CKAP5: variants seen among roughly 807,000 people sequenced by gnomAD.
CKAP5 encodes the protein cytoskeleton associated protein 5.
CKAP5 carries 27 observed loss-of-function variants against 232.8 expected under a neutral mutation model. That is an observed-to-expected ratio of 0.12 (90% CI 0.09 to 0.16). The LOEUF (loss-of-function observed/expected upper bound fraction) is 0.16. Ranked by LOEUF, CKAP5 falls within the 10% of genes least tolerant of loss-of-function variation. The probability of loss-of-function intolerance (pLI) is 1.00; values close to 1 mark genes in which losing one functional copy is unlikely to be tolerated. For missense variants in CKAP5, 1,838 were observed against 2,424.7 expected (o/e 0.76, Z 5.08); for synonymous variants, 785 against 841.1 (o/e 0.93, Z 1.16).
In CKAP5 at chr11:46,763,190, A is replaced by G. The variant is rs777439507; in HGVS notation, c.3688-11T>C. ...TTCACTCTCCAAGTGCTTAAAATAA[A>G]ACAAAACAAAACTCCCACAAATAAG... On this transcript the variant is annotated splice_polypyrimidine_tract_variant and intron_variant, in intron 29 of 43. Transcript: ENST00000529230. 1.3e-6 allele frequency: 2 copies of G among 1,543,080 alleles called. No homozygotes were observed. The highest frequency in any genetic ancestry group is 1.2e-5 in the South Asian group (1 of 86,026).
At chr11:46,797,779 C>A (rs781333444) in intron 11 of CKAP5, 26 bp downstream of exon 11, 36 of 1,580,202 alleles carry the variant, frequency 2.3e-5, no homozygotes, top group Non-Finnish European at 3.0e-5. Flanking sequence ...ATAAAATATT[C>A]CCCCAACTTC....
chr11:46,817,917 T>C lies in CKAP5; in HGVS notation c.251+393A>G, dbSNP rs566628904. On this transcript the variant is annotated intron_variant, in intron 3 of 43. Coordinates refer to ENST00000529230, the MANE Select transcript of CKAP5 (RefSeq NM_001008938.4). Reference sequence around the variant, plus strand: ...CCTATCTAACAACCCTTGTAAAAAATTTAGTTTTCTATAATGCCCAAATGT... The same window carrying C: ...CCTATCTAACAACCCTTGTAAAAAACTTAGTTTTCTATAATGCCCAAATGT... 1.2e-3 allele frequency among the ~76,000 whole-genome samples: 188 copies of C among 152,302 alleles called. 1 individual carries two copies. The highest frequency in any genetic ancestry group is 4.1e-3 in the African/African-American group (172 of 41,574).
At chr11:46,817,953 A>G (rs539149872) in intron 3 of CKAP5, among the ~76,000 whole-genome samples, 2 of 152,362 alleles carry the variant, frequency 1.3e-5, no homozygotes, top group East Asian at 3.9e-4. Context: ...CTTCAGTGAA[A>G]TTCTGATAAT....
At chr11:46,816,895 T>C (rs1330294399) in intron 3 of CKAP5, among the ~76,000 whole-genome samples, 1 of 148,170 alleles carries the variant, frequency 6.7e-6, no homozygotes, top group Admixed American at 6.9e-5. Context: ...TCACCTGAGG[T>C]CAGGAGTTCA....
intron 34 of CKAP5, 104 bp from the exon 35 acceptor site, chr11:46,759,147 G>A: frequency 6.7e-7 from 1 of 1,502,786 alleles, no homozygotes; most frequent in Non-Finnish European, 9.0e-7. Context: ...GTTAACAACT[G>A]CTATCATTCA....
chr11:46,810,950 A>T (rs1049033694), intron 5 of CKAP5, 57 bp downstream of exon 5: 1 of 1,412,332 alleles, frequency 7.1e-7, no homozygotes, highest in African/African-American at 1.5e-5. Flanking sequence ...AACGATAGGA[A>T]GAAAATATTT....
chr11:46,806,254 A>G (rs868004733), intron 8 of CKAP5, among the ~76,000 whole-genome samples: 3 of 152,242 alleles, frequency 2.0e-5, no homozygotes, highest in Non-Finnish European at 4.4e-5. Flanking sequence ...CACAATGCCA[A>G]TGGAAACCAC....
rs2065358455 is a variant in CKAP5 at position 46,783,275 on chromosome 11, C to T, written c.2248G>A (p.Gly750Arg). ...CCACTTGATTTCGTTCTGACTTACC[C>T]AGAAAAACCAAATTCTTTTATGGCA... ...SNAIKEFGFS[G>R]LNVKAFISNV... Residue 750 changes from glycine to arginine, a missense_variant and splice_region_variant, in exon 18 of 44, where the codon GGG (glycine) becomes AGG (arginine). Physicochemically the swap from Gly to Arg is moderately radical, Grantham distance 125. Transcript: ENST00000529230. 1 of 1,594,658 alleles carries T rather than the reference C, an allele frequency of 6.3e-7. No homozygotes were observed. The highest frequency in any genetic ancestry group is 1.1e-5 in the South Asian group (1 of 89,880).
Position 46,821,210 on chromosome 11 carries a change from A to G in CKAP5, c.22T>C (p.Leu8=). 6.2e-7 allele frequency: 1 copy of G among 1,613,182 alleles called. No individual in the cohort carries two copies. Among genetic ancestry groups the G allele is most frequent in the African/African-American group, 1.3e-5 (1 of 75,018 alleles). MGDDSEW[L]KLPVDQKCEH... is the part of the protein sequence containing the mutation. ...CATTTCTGATCAACTGGCAGTTTCA[A>G]CCACTCACTGTCATCTCCCATTGTG... The change falls in exon 2 of 44, where the codon TTG becomes CTG. Residue 8 remains leucine, a synonymous_variant. Coordinates refer to ENST00000529230, the MANE Select transcript of CKAP5 (RefSeq NM_001008938.4).
At chr11:46,751,629 A>T in intron 38 of CKAP5, 95 bp from the exon 39 acceptor site, 4 of 1,061,066 alleles carry the variant, frequency 3.8e-6, no homozygotes, top group Non-Finnish European at 5.5e-6. Context: ...CACTTCTAAA[A>T]GATGGCCAGG....
intron 1 of CKAP5, among the ~76,000 whole-genome samples, chr11:46,825,491 GATT>G (rs1434238767): frequency 6.6e-6 from 1 of 152,132 alleles, no homozygotes; most frequent in Non-Finnish European, 1.5e-5. Flanking sequence ...CTACTGTACA[GATT>G]ATTTTCTCTT....
Position 46,779,811 on chromosome 11 carries a change from A to G in CKAP5, c.2433+383T>C, listed in dbSNP as rs539174391. 1.3e-4 allele frequency among the ~76,000 whole-genome samples: 20 copies of G among 150,894 alleles called. No individual in the cohort carries two copies. The Middle Eastern group carries it at 0.017, about 131-fold the overall frequency. ...ATTTTTTGATTATTTTTTTGTAGAG[A>G]AGGTCTCATTTTGTTGCCCAGGCTG... On this transcript the variant is annotated intron_variant, in intron 20 of 43. Coordinates refer to ENST00000529230, the MANE Select transcript of CKAP5 (RefSeq NM_001008938.4).
chr11:46,750,705 T>G (rs1362618721), intron 40 of CKAP5, 94 bp from the exon 41 acceptor site: 2 of 934,848 alleles, frequency 2.1e-6, no homozygotes, highest in East Asian at 5.2e-5. Flanking sequence ...TCTCAAAATC[T>G]GGGCCTTATT....
Position 46,764,694 on chromosome 11 carries a change from G to A in CKAP5, c.3537+437C>T, listed in dbSNP as rs575868999. On this transcript the variant is annotated intron_variant, in intron 28 of 43. Coordinates refer to ENST00000529230, the MANE Select transcript of CKAP5 (RefSeq NM_001008938.4). ...AGACATGCTTTTCTTACTATACTTT[G>A]CACTTTCTGTACTGCATATAATTTT... 4.5e-4 allele frequency among the ~76,000 whole-genome samples: 69 copies of A among 152,108 alleles called. 3 individuals are homozygous for A. The South Asian group carries it at 0.014, about 30-fold the overall frequency.
At chr11:46,793,489 C>T (rs1345484290) in intron 13 of CKAP5, among the ~76,000 whole-genome samples, 1 of 152,230 alleles carries the variant, frequency 6.6e-6, no homozygotes. Context: ...GGTGTAAACA[C>T]CTGGACTGGC....
Position 46,759,449 on chromosome 11 carries a change from G to A in CKAP5, c.4395-7C>T, listed in dbSNP as rs756493908. 6.2e-7 allele frequency: 1 copy of A among 1,608,654 alleles called. No homozygotes were observed. The highest frequency in any genetic ancestry group is 1.1e-5 in the South Asian group (1 of 90,264). On this transcript the variant is annotated splice_polypyrimidine_tract_variant and splice_region_variant and intron_variant, in intron 33 of 43. Transcript: ENST00000529230. ...ACTCATGCTTCGGGCTTGGCTAAGG[G>A]AAGCAAAAGGAGGCTCCTGAACTAA...
At position 46,763,035 on chromosome 11, in the gene CKAP5, C is replaced by T. The variant is rs774201837; in HGVS notation, c.3832G>A (p.Glu1278Lys). 6.2e-7 allele frequency: 1 copy of T among 1,613,884 alleles called. No homozygotes were observed. Among genetic ancestry groups the T allele is most frequent in the South Asian group, 1.1e-5 (1 of 91,070 alleles). The change falls in exon 30 of 44, where the codon GAA becomes AAA. Residue 1278 changes from glutamate (E) to lysine (K), a missense_variant. By Grantham distance (56) the Glu-to-Lys change is moderately conservative (BLOSUM62 1). Transcript: ENST00000529230. The part of the protein sequence containing the change: ...LKLLFTLLSE[E>K]EYHLTENEAS... ...TCATTCTCAGTAAGATGATATTCTT[C>T]TTCACTTAGCAAGGTGAAGAGCAAT...
chr11:46,829,530 A>G lies in CKAP5; in HGVS notation c.-37-8262T>C, dbSNP rs541988202. 1.3e-3 allele frequency among the ~76,000 whole-genome samples: 203 copies of G among 152,298 alleles called. No individual in the cohort carries two copies. The Middle Eastern group carries it at 0.017, about 13-fold the overall frequency. On this transcript the variant is annotated intron_variant, in intron 1 of 43. Transcript: ENST00000529230. ...ACCCTGAACGATGGAGCGAGAAAAA[A>G]TATTTTTCCTCCTTCTGATTTTCTT...
At chr11:46,760,310 T>C in intron 33 of CKAP5, 1 of 492,870 alleles carries the variant, frequency 2.0e-6, no homozygotes, top group South Asian at 1.7e-5. Context: ...GTTAGAAAGA[T>C]ATAAGAGCCC....
Sources: allele counts gnomAD v4.1 joint callset (sites outside exome capture counted in the v4.1 genomes callset), GRCh38; gene constraint gnomAD v4.1.1; transcripts MANE v1.5; gene names NCBI Gene and HGNC (gene_info 2026-07-23, HGNC 2026-07-21).